LPP: variants seen among roughly 807,000 people sequenced by gnomAD.
The protein encoded by LPP is LIM domain containing preferred translocation partner in lipoma.
A neutral mutation model predicts 60.4 loss-of-function variants in LPP; 38 were observed. The ratio of observed to expected loss-of-function variants is 0.63; its 90% confidence interval spans 0.49 to 0.83. The LOEUF (loss-of-function observed/expected upper bound fraction) is 0.83. Among genes scored for constraint, LPP ranks in the 40% least tolerant of loss-of-function variants. The probability of loss-of-function intolerance (pLI) is 0.00; values close to 1 mark genes in which losing one functional copy is unlikely to be tolerated. For missense variants in LPP, 902 were observed against 783.6 expected (o/e 1.15, Z -1.80); for synonymous variants, 328 against 290.8 (o/e 1.13, Z -1.30).
At chr3:188,462,578 ATATATATGCATGTG>A (rs1489933752) in intron 4 of LPP, among the ~76,000 whole-genome samples, 5 of 54,854 alleles carry the variant, frequency 9.1e-5, no homozygotes, top group South Asian at 8.7e-4. Context: ...ATATATATAT[ATATATATGCATGTG>A]TGTGTGTGTG....
chr3:188,464,699 A>G (rs1227391303), intron 4 of LPP, among the ~76,000 whole-genome samples: 4 of 152,198 alleles, frequency 2.6e-5, no homozygotes, highest in African/African-American at 9.6e-5. Context: ...GGATGGATCA[A>G]TACTTGTTCT....
chr3:188,471,022 A>G (rs917865387), intron 4 of LPP, among the ~76,000 whole-genome samples: 2 of 152,180 alleles, frequency 1.3e-5, no homozygotes, highest in African/African-American at 2.4e-5. Context: ...GATCTTGTCA[A>G]ATCTTGGGAG....
chr3:188,632,600 G>A (rs1264876890), intron 7 of LPP, among the ~76,000 whole-genome samples: 1 of 152,176 alleles, frequency 6.6e-6, no homozygotes, highest in African/African-American at 2.4e-5. Context: ...AGCTGAAGCT[G>A]AGAACATCCA....
chr3:188,336,993 G>A (rs1017674411), intron 2 of LPP, among the ~76,000 whole-genome samples: 11 of 152,160 alleles, frequency 7.2e-5, no homozygotes, highest in Admixed American at 1.3e-4. Context: ...ACTGGGGTGC[G>A]TGACCGCTCT....
intron 7 of LPP, among the ~76,000 whole-genome samples, chr3:188,626,448 C>T (rs1207148862): frequency 6.6e-6 from 1 of 152,058 alleles, no homozygotes; most frequent in East Asian, 1.9e-4. Flanking sequence ...TAGAACTGAT[C>T]CCCTGCAGAT....
chr3:188,409,275 C>T (rs1368836302), intron 4 of LPP, among the ~76,000 whole-genome samples: 1 of 152,050 alleles, frequency 6.6e-6, no homozygotes. Flanking sequence ...AATATAATAA[C>T]CTTTACCTTT....
At chr3:188,295,275 C>T (rs1216845191) in intron 2 of LPP, among the ~76,000 whole-genome samples, 1 of 152,220 alleles carries the variant, frequency 6.6e-6, no homozygotes, top group Non-Finnish European at 1.5e-5. Context: ...TGACTCACTT[C>T]TCTGAGCAGC....
chr3:188,386,399 T>G (rs894575257), intron 3 of LPP, among the ~76,000 whole-genome samples: 35 of 152,102 alleles, frequency 2.3e-4, no homozygotes, highest in African/African-American at 8.2e-4. Flanking sequence ...TTACCTCCAC[T>G]GGGACCTAAT....
chr3:188,653,565 G>A (rs1580715919), intron 7 of LPP, among the ~76,000 whole-genome samples: 1 of 152,188 alleles, frequency 6.6e-6, no homozygotes, highest in East Asian at 1.9e-4. Context: ...GTCCAGTTTG[G>A]AGTAGAAGAC....
intron 5 of LPP, among the ~76,000 whole-genome samples, chr3:188,518,215 A>G (rs1366906640): frequency 6.6e-6 from 1 of 152,212 alleles, no homozygotes; most frequent in African/African-American, 2.4e-5. Flanking sequence ...AAAAGCACAC[A>G]CTTTCAAAAT....
chr3:188,488,046 G>A (rs1320292865), intron 5 of LPP, among the ~76,000 whole-genome samples: 2 of 149,466 alleles, frequency 1.3e-5, no homozygotes, highest in Non-Finnish European at 3.0e-5. Context: ...TGGAAATGGG[G>A]AAACTGAGAC....
chr3:188,592,840 T>A (rs1428076560), intron 6 of LPP, among the ~76,000 whole-genome samples: 1 of 152,036 alleles, frequency 6.6e-6, no homozygotes, highest in East Asian at 1.9e-4. Context: ...GTACCCGGCG[T>A]ATCATTGTTT....
chr3:188,398,432 A>G (rs1480131822), intron 3 of LPP, among the ~76,000 whole-genome samples: 1 of 152,202 alleles, frequency 6.6e-6, no homozygotes. Flanking sequence ...GATAGCCTAT[A>G]TAAAGGTTTG....
intron 1 of LPP, among the ~76,000 whole-genome samples, chr3:188,211,682 A>G (rs1734736176): frequency 6.6e-6 from 1 of 152,172 alleles, no homozygotes; most frequent in African/African-American, 2.4e-5. Flanking sequence ...TCCTGACAAC[A>G]GTGTTCTCTT....
chr3:188,587,563 C>G (rs375682209), intron 6 of LPP, among the ~76,000 whole-genome samples: 18 of 152,032 alleles, frequency 1.2e-4, no homozygotes, highest in African/African-American at 4.3e-4. Flanking sequence ...GGTCTGTTTC[C>G]AAAACTTTAT....
rs142661833 is a variant in LPP, at chr3:188,609,797, A to C, written c.1066A>C (p.Ile356Leu). The change falls in exon 7 of 12, where the codon ATC becomes CTC. Residue 356 changes from isoleucine to leucine, a missense_variant. By Grantham distance (5) the Ile-to-Leu change is conservative (BLOSUM62 2). Transcript: ENST00000617246. The surrounding 1 kb of genome is among the most constrained non-coding windows in gnomAD (Gnocchi z 6.9). ...YPVTGPKKTY[I>L]TDPVSAPCAP... ...AGTCACTGGTCCCAAGAAGACCTAT[A>C]TCACAGATCCTGTTTCAGCCCCCTG... 90 of 1,613,700 alleles carry C rather than the reference A, an allele frequency of 5.6e-5. No individual in the cohort carries two copies. The highest frequency in any genetic ancestry group is 1.5e-4 in the Admixed American group (9 of 59,982).
intron 7 of LPP, among the ~76,000 whole-genome samples, chr3:188,615,082 C>T (rs1469442217): frequency 6.6e-6 from 1 of 152,216 alleles, no homozygotes; most frequent in East Asian, 1.9e-4. Flanking sequence ...ATACATCCTA[C>T]ATGTAATACC....
intron 2 of LPP, among the ~76,000 whole-genome samples, chr3:188,293,421 G>A (rs1288741427): frequency 6.6e-6 from 1 of 152,206 alleles, no homozygotes; most frequent in Non-Finnish European, 1.5e-5. Context: ...ATCTTGATGA[G>A]TTTTACATGT....
At chr3:188,468,641 A>G (rs1801033387) in intron 4 of LPP, among the ~76,000 whole-genome samples, 1 of 152,152 alleles carries the variant, frequency 6.6e-6, no homozygotes, top group Non-Finnish European at 1.5e-5. Flanking sequence ...AAGAAGAAGC[A>G]TAATATTGGA....
Sources: allele counts gnomAD v4.1 joint callset (sites outside exome capture counted in the v4.1 genomes callset), GRCh38; gene constraint gnomAD v4.1.1; non-coding constraint Gnocchi (gnomAD v3.1); transcripts MANE v1.5; gene names NCBI Gene and HGNC (gene_info 2026-07-23, HGNC 2026-07-21).